PPP3CA: variants seen among roughly 807,000 people sequenced by gnomAD.
PPP3CA encodes the protein protein phosphatase 3 catalytic subunit alpha.
Under a neutral mutation model 66.5 loss-of-function variants are expected in PPP3CA, and 14 were observed. That is an observed-to-expected ratio of 0.21 (90% CI 0.14 to 0.33). The LOEUF (loss-of-function observed/expected upper bound fraction) is 0.33, where lower values mean the gene tolerates loss of function less well. Among genes scored for constraint, PPP3CA ranks in the 10% least tolerant of loss-of-function variants. The pLI is 1.00. For missense variants in PPP3CA, 317 were observed against 639.5 expected, an observed-to-expected ratio of 0.50 and a Z score of 5.44; for synonymous variants, 232 against 226.2, an observed-to-expected ratio of 1.03 and a Z score of -0.23.
At chr4:101,338,736 A>T (rs1355098399) in intron 1 of PPP3CA, among the ~76,000 whole-genome samples, 1 of 152,224 alleles carries the variant, frequency 6.6e-6, no homozygotes, top group Non-Finnish European at 1.5e-5. Context: ...AGAGAACTGA[A>T]TGATCAGGAG....
intron 11 of PPP3CA, among the ~76,000 whole-genome samples, chr4:101,035,349 G>C (rs184303959): frequency 7.9e-5 from 12 of 152,068 alleles, no homozygotes; most frequent in Non-Finnish European, 1.8e-4. Context: ...ATAATGCTCT[G>C]AGAAAGCCAA....
chr4:101,063,087 C>G (rs1728543386), intron 9 of PPP3CA, 145 bp downstream of exon 9: 2 of 973,152 alleles, frequency 2.1e-6, no homozygotes, highest in Admixed American at 5.7e-5. Flanking sequence ...GAGTGACACA[C>G]TGCCACTTCC....
At chr4:101,096,276 T>C (rs1268367798) in intron 5 of PPP3CA, among the ~76,000 whole-genome samples, 1 of 152,162 alleles carries the variant, frequency 6.6e-6, no homozygotes, top group African/African-American at 2.4e-5. Context: ...TAAAAGAATA[T>C]TGAGTTCATG....
chr4:101,128,818 G>A (rs1054447582), intron 2 of PPP3CA, among the ~76,000 whole-genome samples: 12 of 152,060 alleles, frequency 7.9e-5, no homozygotes, highest in Admixed American at 1.3e-4. Context: ...AAAACTGGGC[G>A]GCTGTTTGGG....
intron 10 of PPP3CA, among the ~76,000 whole-genome samples, chr4:101,042,822 T>A (rs77330904): frequency 1.3e-5 from 2 of 149,404 alleles, no homozygotes; most frequent in Non-Finnish European, 3.0e-5. Context: ...TTTTTTTTTT[T>A]AAAGTGGGAT....
Position 101,308,356 on chromosome 4 carries a change from A to T in PPP3CA, c.58+38383T>A, listed in dbSNP as rs1362916336. Among the ~76,000 whole-genome samples, 3 of 152,354 alleles carry T rather than the reference A, an allele frequency of 2.0e-5. No individual in the cohort carries two copies. The East Asian group carries it at 5.8e-4, about 29-fold the overall frequency. ...CTTCTCTATGAAAGATATTGGTATT[A>T]CTATCATTCCATACTATATACAATA... On this transcript the variant is annotated intron_variant, in intron 1 of 13. Transcript: ENST00000394854.
intron 2 of PPP3CA, among the ~76,000 whole-genome samples, chr4:101,124,766 AGAAAG>A (rs1192153101): frequency 7.7e-6 from 1 of 129,882 alleles, no homozygotes; most frequent in Non-Finnish European, 1.6e-5. Flanking sequence ...AAAGAAAGAA[AGAAAG>A]AAAGAAAGAA....
intron 2 of PPP3CA, among the ~76,000 whole-genome samples, chr4:101,162,180 T>C (rs145675623): frequency 0.01 from 1,553 of 151,914 alleles, 26 homozygotes; most frequent in African/African-American, 0.03. Context: ...GGGGAGGTTG[T>C]GGTGAGCCAA....
intron 1 of PPP3CA, among the ~76,000 whole-genome samples, chr4:101,279,317 C>A (rs1422957912): frequency 2.6e-5 from 4 of 151,990 alleles, no homozygotes; most frequent in Non-Finnish European, 5.9e-5. Flanking sequence ...TTTGGGGTAG[C>A]TTAATTAAGG....
intron 1 of PPP3CA, among the ~76,000 whole-genome samples, chr4:101,343,018 G>GA (rs1162821111): frequency 4.6e-5 from 7 of 152,044 alleles, no homozygotes; most frequent in African/African-American, 1.7e-4. Flanking sequence ...CAATACACCT[G>GA]AAAAACAGCT....
intron 1 of PPP3CA, among the ~76,000 whole-genome samples, chr4:101,269,096 T>C (rs1014883959): frequency 6.6e-6 from 1 of 152,142 alleles, no homozygotes; most frequent in African/African-American, 2.4e-5. Flanking sequence ...TCTTCAAAAA[T>C]TTGTCAAGAA....
intron 2 of PPP3CA, among the ~76,000 whole-genome samples, chr4:101,115,037 G>A (rs1482062298): frequency 6.6e-6 from 1 of 151,966 alleles, no homozygotes; most frequent in Non-Finnish European, 1.5e-5. Flanking sequence ...ACTAATGGGT[G>A]GTGTGGTAGT....
chr4:101,224,249 C>T (rs1390780001), intron 1 of PPP3CA, among the ~76,000 whole-genome samples: 1 of 151,712 alleles, frequency 6.6e-6, no homozygotes, highest in Non-Finnish European at 1.5e-5. Context: ...AATTATATGT[C>T]TTTACCAGCT....
At position 101,130,394 on chromosome 4, in the gene PPP3CA, C is replaced by G. The variant is rs139916021; in HGVS notation, c.260-21316G>C. On this transcript the variant is annotated intron_variant, in intron 2 of 13. Coordinates refer to ENST00000394854, the MANE Select transcript of PPP3CA (RefSeq NM_000944.5). ...GGCCAACATCCAAATTCAGGAAACA[C>G]AGAGAGCACCACAAAGATACTCCTT... 8.1e-3 allele frequency among the ~76,000 whole-genome samples: 1,238 copies of G among 152,228 alleles called. 13 individuals carry two copies. Among genetic ancestry groups the G allele is most frequent in the African/African-American group, 0.028 (1,172 of 41,534 alleles).
chr4:101,128,686 C>T (rs13108162), intron 2 of PPP3CA, among the ~76,000 whole-genome samples: 1 of 151,992 alleles, frequency 6.6e-6, no homozygotes, highest in South Asian at 2.1e-4. Flanking sequence ...CCTTGAGGAA[C>T]TGTGCTGTGA....
At chr4:101,102,523 G>A (rs1272490201) in intron 3 of PPP3CA, among the ~76,000 whole-genome samples, 3 of 152,116 alleles carry the variant, frequency 2.0e-5, no homozygotes, top group Non-Finnish European at 2.9e-5. Flanking sequence ...CATGGTAAAT[G>A]AAAGGGCAAG....
At chr4:101,271,021 G>A (rs947983832) in intron 1 of PPP3CA, among the ~76,000 whole-genome samples, 3 of 151,982 alleles carry the variant, frequency 2.0e-5, no homozygotes, top group Non-Finnish European at 4.4e-5. Context: ...CTGGGCTCAA[G>A]CAATCCTCCC....
At chr4:101,169,432 C>T (rs1266738308) in intron 2 of PPP3CA, among the ~76,000 whole-genome samples, 2 of 151,322 alleles carry the variant, frequency 1.3e-5, no homozygotes, top group Non-Finnish European at 2.9e-5. Context: ...ACCAGGCTAC[C>T]ATGTCATGAG....
Position 101,223,781 on chromosome 4 carries a change from C to T in PPP3CA, c.59-27665G>A, listed in dbSNP as rs563204275. 4.0e-5 allele frequency among the ~76,000 whole-genome samples: 6 copies of T among 151,852 alleles called. No individual in the cohort carries two copies. In the South Asian group the frequency reaches 6.2e-4, roughly 16 times the overall value. On this transcript the variant is annotated intron_variant, in intron 1 of 13. Coordinates refer to ENST00000394854, the MANE Select transcript of PPP3CA (RefSeq NM_000944.5). ...TTACTTAATATCATTATAACAGCAA[C>T]GCTCTGGAAACCACATATAATTTTT...
Sources: allele counts gnomAD v4.1 joint callset (sites outside exome capture counted in the v4.1 genomes callset), GRCh38; gene constraint gnomAD v4.1.1; transcripts MANE v1.5; gene names NCBI Gene and HGNC (gene_info 2026-07-23, HGNC 2026-07-21).